RBFOX1: variants seen among roughly 807,000 people sequenced by gnomAD.
The protein encoded by RBFOX1 is RNA binding protein fox-1 homolog 1.
A neutral mutation model predicts 57.7 loss-of-function variants in RBFOX1; 8 were observed. The observed-to-expected ratio is 0.14, with a 90% confidence interval of 0.08 to 0.25. The LOEUF (loss-of-function observed/expected upper bound fraction) is 0.25. Ranked by LOEUF, RBFOX1 falls within the 10% of genes least tolerant of loss-of-function variation. The pLI is 1.00. For missense variants in RBFOX1, 611 were observed against 548.5 expected (o/e 1.11, Z -1.14); for synonymous variants, 326 against 222.4 (o/e 1.47, Z -4.15).
chr16:6,475,269 G>T (rs1219155026), intron 2 of RBFOX1, among the ~76,000 whole-genome samples: 4 of 152,196 alleles, frequency 2.6e-5, no homozygotes, highest in African/African-American at 4.8e-5. Context: ...ACTATTAGAA[G>T]AATATTCCTG....
At chr16:6,985,643 C>T (rs776909154) in intron 3 of RBFOX1, among the ~76,000 whole-genome samples, 16 of 151,984 alleles carry the variant, frequency 1.1e-4, no homozygotes, top group Non-Finnish European at 1.6e-4. Flanking sequence ...GTCTGACCAG[C>T]GTGGCAAAAC....
chr16:5,668,002 C>G (rs1596665246), intron 3 of RBFOX1, among the ~76,000 whole-genome samples: 1 of 151,978 alleles, frequency 6.6e-6, no homozygotes, highest in Non-Finnish European at 1.5e-5. Context: ...TAGAAATACA[C>G]CATTTTGTCC....
chr16:6,494,356 C>T (rs1239338417), intron 2 of RBFOX1, among the ~76,000 whole-genome samples: 1 of 152,162 alleles, frequency 6.6e-6, no homozygotes, highest in Non-Finnish European at 1.5e-5. Flanking sequence ...TGTATAACCA[C>T]AGCTATCTCT....
intron 3 of RBFOX1, among the ~76,000 whole-genome samples, chr16:7,011,375 G>T (rs1289831606): frequency 6.6e-6 from 1 of 152,218 alleles, no homozygotes; most frequent in Non-Finnish European, 1.5e-5. Flanking sequence ...GAGTGCAAGT[G>T]TGGCAGATGG....
At chr16:6,284,650 G>C (rs935062262) in intron 1 of RBFOX1, among the ~76,000 whole-genome samples, 1 of 152,076 alleles carries the variant, frequency 6.6e-6, no homozygotes, top group East Asian at 1.9e-4. Context: ...AAAGTGGAGA[G>C]GTCCTTGGTT....
intron 4 of RBFOX1, among the ~76,000 whole-genome samples, chr16:7,506,604 TCAC>T (rs547512960): frequency 1.3e-5 from 2 of 151,592 alleles, no homozygotes; most frequent in African/African-American, 2.4e-5. Context: ...ATCATCATCA[TCAC>T]CACCACCACC....
intron 3 of RBFOX1, among the ~76,000 whole-genome samples, chr16:6,955,718 T>A (rs1241262399): frequency 6.6e-6 from 1 of 151,796 alleles, no homozygotes; most frequent in East Asian, 1.9e-4. Context: ...TTTATTTATT[T>A]TTGAGAGGGA....
Position 6,317,020 on chromosome 16 carries a change from G to C in RBFOX1, c.-101G>C. 5 of 1,535,546 alleles carry C rather than the reference G, an allele frequency of 3.3e-6. No homozygotes were observed. The highest frequency in any genetic ancestry group is 2.4e-5 in the East Asian group (1 of 40,900). On this transcript the variant is annotated 5_prime_UTR_variant, in exon 2 of 16. Coordinates refer to ENST00000550418, the MANE Select transcript of RBFOX1 (RefSeq NM_018723.4). ...GAAACTGGTCAAAGAACTCATGCAA[G>C]TGGAACTTACAGCTTCCTTGATCGG...
rs149506413 is a variant in RBFOX1 at position 6,719,056 on chromosome 16, G to T, written c.-16+64406G>T. Among the ~76,000 whole-genome samples the T allele has an allele frequency of 2.4e-3, 369 of 152,108 alleles. 2 individuals carry two copies. Among genetic ancestry groups the T allele is most frequent in the African/African-American group, 8.2e-3 (341 of 41,488 alleles). On this transcript the variant is annotated intron_variant, in intron 3 of 15. Transcript: ENST00000550418. ...AAATTTTTATATTTTTTGTACAGAT[G>T]AGACTTTGCCATGTTGCCCAGGCTG...
chr16:6,069,258 C>T (rs1349859530), intron 1 of RBFOX1, among the ~76,000 whole-genome samples: 2 of 151,890 alleles, frequency 1.3e-5, no homozygotes, highest in African/African-American at 2.4e-5. Flanking sequence ...ATTAGCTGGG[C>T]GTAGGGGCAC....
chr16:5,833,345 A>G (rs1209470090), intron 3 of RBFOX1, among the ~76,000 whole-genome samples: 1 of 151,944 alleles, frequency 6.6e-6, no homozygotes, highest in Non-Finnish European at 1.5e-5. Context: ...TATAAAAAGA[A>G]TTAGCCGGGC....
chr16:7,173,315 T>C (rs904852138), intron 4 of RBFOX1, among the ~76,000 whole-genome samples: 33 of 152,172 alleles, frequency 2.2e-4, no homozygotes, highest in Non-Finnish European at 7.3e-5. Context: ...AAGAAACTAA[T>C]AGCTGGAGCT....
chr16:6,932,200 C>T (rs548342129), intron 3 of RBFOX1, among the ~76,000 whole-genome samples: 1 of 152,126 alleles, frequency 6.6e-6, no homozygotes. Flanking sequence ...ACCTCCTGTG[C>T]TTGAGTGATT....
intron 1 of RBFOX1, among the ~76,000 whole-genome samples, chr16:6,132,426 C>A (rs963492972): frequency 6.6e-6 from 1 of 152,312 alleles, no homozygotes; most frequent in South Asian, 2.1e-4. Flanking sequence ...CATGAAGCAG[C>A]TTGAATTCCT....
At chr16:6,059,407 T>C (rs905635924) in intron 1 of RBFOX1, among the ~76,000 whole-genome samples, 2 of 152,164 alleles carry the variant, frequency 1.3e-5, no homozygotes, top group African/African-American at 2.4e-5. Flanking sequence ...TTTAATATTA[T>C]TGCACGCAAT....
intron 2 of RBFOX1, among the ~76,000 whole-genome samples, chr16:5,518,885 C>T (rs1027603021): frequency 2.6e-5 from 4 of 152,134 alleles, no homozygotes; most frequent in Admixed American, 2.0e-4. Context: ...CCCACACATT[C>T]GTATGTTGAG....
At chr16:6,559,667 CAAAT>C (rs1163497527) in intron 2 of RBFOX1, among the ~76,000 whole-genome samples, 4 of 152,006 alleles carry the variant, frequency 2.6e-5, no homozygotes, top group Admixed American at 6.6e-5. Flanking sequence ...CCCACACACA[CAAAT>C]AAGTACATAG....
chr16:7,557,937 G>A (rs1459141615), intron 5 of RBFOX1, among the ~76,000 whole-genome samples: 3 of 152,032 alleles, frequency 2.0e-5, no homozygotes, highest in South Asian at 4.1e-4. Context: ...GGACCATCAC[G>A]CAGTATTTCC....
At chr16:6,702,487 G>C (rs1187875354) in intron 3 of RBFOX1, among the ~76,000 whole-genome samples, 1 of 152,054 alleles carries the variant, frequency 6.6e-6, no homozygotes, top group African/African-American at 2.4e-5. Context: ...CCGGGAGGCA[G>C]AGGCTACAGT....
Sources: allele counts gnomAD v4.1 joint callset (sites outside exome capture counted in the v4.1 genomes callset), GRCh38; gene constraint gnomAD v4.1.1; transcripts MANE v1.5; gene names NCBI Gene and HGNC (gene_info 2026-07-23, HGNC 2026-07-21).